LINGO2: variants seen among roughly 807,000 people sequenced by gnomAD.
LINGO2 encodes the protein leucine rich repeat and Ig domain containing 2.
Under a neutral mutation model 30.6 loss-of-function variants are expected in LINGO2, and 14 were observed. That is an observed-to-expected ratio of 0.46 (90% confidence interval 0.30 to 0.72). LINGO2 has a LOEUF of 0.72. LINGO2 is among the 30% of genes least tolerant of loss of function. The probability of loss-of-function intolerance (pLI) is 0.07; values close to 1 mark genes in which losing one functional copy is unlikely to be tolerated. For missense variants in LINGO2, 729 were observed against 751.7 expected, an observed-to-expected ratio of 0.97 and a Z score of 0.35; for synonymous variants, 317 against 288.5, an observed-to-expected ratio of 1.10 and a Z score of -1.00.
chr9:28,016,927 T>C (rs1822871036), intron 4 of LINGO2, among the ~76,000 whole-genome samples: 1 of 152,100 alleles, frequency 6.6e-6, no homozygotes, highest in South Asian at 2.1e-4. Context: ...TGAACATAGA[T>C]GGAAAAATCC....
chr9:28,812,603 T>A, the LINGO2 span, among the ~76,000 whole-genome samples: 14 of 152,312 alleles, frequency 9.2e-5, no homozygotes, highest in African/African-American at 3.4e-4. Context: ...AATATTTGTA[T>A]CTTTCTTTTA....
intron 4 of LINGO2, among the ~76,000 whole-genome samples, chr9:28,059,828 C>T (rs537093510): frequency 8.5e-5 from 13 of 152,056 alleles, no homozygotes; most frequent in Middle Eastern, 6.8e-3. Flanking sequence ...ACTGGATTGA[C>T]GCTTCTAAAC....
intron 4 of LINGO2, among the ~76,000 whole-genome samples, chr9:28,170,499 G>A (rs1270602606): frequency 6.6e-6 from 1 of 152,122 alleles, no homozygotes; most frequent in African/African-American, 2.4e-5. Context: ...TAAGGGTGGT[G>A]GCTGGCTGCA....
At chr9:28,208,861 C>G (rs1297925881) in intron 4 of LINGO2, among the ~76,000 whole-genome samples, 2 of 152,044 alleles carry the variant, frequency 1.3e-5, no homozygotes, top group Non-Finnish European at 2.9e-5. Flanking sequence ...TCCTTTTCCT[C>G]TGCTCTGCTA....
intron 1 of LINGO2, among the ~76,000 whole-genome samples, chr9:28,544,701 T>C (rs1014980959): frequency 1.3e-5 from 2 of 151,592 alleles, no homozygotes; most frequent in African/African-American, 4.8e-5. Flanking sequence ...TAAGGCAATA[T>C]ATGTGAGTAC....
At chr9:28,729,647 G>C in the LINGO2 span, among the ~76,000 whole-genome samples, 3 of 151,630 alleles carry the variant, frequency 2.0e-5, no homozygotes, top group African/African-American at 7.3e-5. Flanking sequence ...CAAAGATAAA[G>C]CTGAAGAAAT....
rs1450433210 is a variant in LINGO2, at chr9:28,657,348, T to C, written c.-365+12852A>G. Among the ~76,000 whole-genome samples, 6 of 152,118 alleles carry C rather than the reference T, an allele frequency of 3.9e-5. 1 individual carries two copies. Among genetic ancestry groups the C allele is most frequent in the Non-Finnish European group, 5.9e-5 (4 of 68,002 alleles). ...TGTTAATTTTACATCAAATGATTCA[T>C]AAAATTTACCAGTGCAGTCATCTAC... On this transcript the variant is annotated intron_variant, in intron 1 of 5. Transcript: ENST00000379992.
intron 4 of LINGO2, among the ~76,000 whole-genome samples, chr9:28,086,891 A>G (rs1825931435): frequency 6.6e-6 from 1 of 152,068 alleles, no homozygotes. Flanking sequence ...AATGGCTCCA[A>G]TTCTTTCTTT....
intron 4 of LINGO2, among the ~76,000 whole-genome samples, chr9:28,280,913 A>C (rs1823299594): frequency 6.6e-6 from 1 of 152,164 alleles, no homozygotes; most frequent in African/African-American, 2.4e-5. Context: ...ATTAAAGCCC[A>C]GTGATTATTT....
intron 1 of LINGO2, among the ~76,000 whole-genome samples, chr9:28,528,647 C>A (rs1821116853): frequency 6.6e-6 from 1 of 152,070 alleles, no homozygotes; most frequent in Non-Finnish European, 1.5e-5. Context: ...ACATAATTGT[C>A]TTTGAATTGT....
chr9:28,021,945 A>G (rs1250197642), intron 4 of LINGO2, among the ~76,000 whole-genome samples: 1 of 151,988 alleles, frequency 6.6e-6, no homozygotes, highest in Non-Finnish European at 1.5e-5. Flanking sequence ...TTCCATAATT[A>G]CTGCATTTAA....
At chr9:29,002,923 T>G in the LINGO2 span, among the ~76,000 whole-genome samples, 1 of 151,988 alleles carries the variant, frequency 6.6e-6, no homozygotes, top group East Asian at 1.9e-4. Context: ...TTGGAAACTG[T>G]GGGTCTTTGA....
intron 1 of LINGO2, among the ~76,000 whole-genome samples, chr9:28,573,058 T>C (rs998639351): frequency 6.6e-6 from 1 of 152,160 alleles, no homozygotes; most frequent in Non-Finnish European, 1.5e-5. Flanking sequence ...TCAATATCTA[T>C]TGGCAAAATA....
Position 28,148,831 on chromosome 9 carries a change from T to G in LINGO2, c.-86-136426A>C, listed in dbSNP as rs1322477679. ...AGAAGGCGGCCTTGAAGGTGCTGGG[T>G]AAAGACCACCTGCCCAGCTCTCCAG... On this transcript the variant is annotated intron_variant, in intron 4 of 5. Transcript: ENST00000379992. The surrounding 1 kb of genome is among the most constrained non-coding windows in gnomAD (Gnocchi z 5.1). The G allele has an allele frequency of 3.9e-6, 6 of 1,533,300 alleles. No homozygotes were observed. The highest frequency in any genetic ancestry group is 2.7e-5 in the African/African-American group (2 of 72,894). The allele number at this position is 1,533,300 out of a possible 1,614,324, so 95.0% of individuals were successfully genotyped here. A position where few individuals can be genotyped will look rare whatever the true frequency, so the allele number is the denominator to read the frequency against.
At chr9:28,717,797 G>C in the LINGO2 span, among the ~76,000 whole-genome samples, 1 of 151,890 alleles carries the variant, frequency 6.6e-6, no homozygotes, top group Admixed American at 6.6e-5. Flanking sequence ...AAATTTTTCA[G>C]GTGCTGGACC....
the LINGO2 span, among the ~76,000 whole-genome samples, chr9:29,151,841 G>A: frequency 6.6e-6 from 1 of 152,116 alleles, no homozygotes; most frequent in Non-Finnish European, 1.5e-5. Flanking sequence ...ACAGATCATT[G>A]AGGCAGAAAA....
At chr9:29,051,729 A>G in the LINGO2 span, among the ~76,000 whole-genome samples, 1 of 152,126 alleles carries the variant, frequency 6.6e-6, no homozygotes, top group South Asian at 2.1e-4. Flanking sequence ...TCATATCTCA[A>G]ACATAAGAGA....
chr9:27,980,767 A>G (rs1337000703), intron 5 of LINGO2, among the ~76,000 whole-genome samples: 1 of 151,930 alleles, frequency 6.6e-6, no homozygotes, highest in African/African-American at 2.4e-5. Flanking sequence ...ATATTCCCTT[A>G]GCCCTTGCAC....
the LINGO2 span, among the ~76,000 whole-genome samples, chr9:29,102,133 G>C: frequency 6.6e-6 from 1 of 151,382 alleles, no homozygotes. Context: ...CCAGGTTGGA[G>C]AGCAGTGGCG....
Sources: gnomAD v4.1 joint callset for allele counts (sites outside exome capture counted in the v4.1 genomes callset) on GRCh38, gnomAD v4.1.1 for gene constraint, Gnocchi (gnomAD v3.1) non-coding constraint, MANE v1.5 for transcripts, NCBI Gene and HGNC (gene_info 2026-07-23, HGNC 2026-07-21) for gene names.